EXD3: variants seen among roughly 807,000 people sequenced by gnomAD.
EXD3 encodes the protein exonuclease 3'-5' domain containing 3, also known as exonuclease mut-7 homolog.
Under a neutral mutation model 98.0 loss-of-function variants are expected in EXD3, and 92 were observed. That is an observed-to-expected ratio of 0.94 (90% CI 0.79 to 1.12). The LOEUF (loss-of-function observed/expected upper bound fraction) is 1.12, where lower values mean the gene tolerates loss of function less well. Among genes scored for constraint, EXD3 ranks in the 50% most tolerant of loss-of-function variants. The pLI is 0.00. For missense variants in EXD3, 1,222 were observed against 1,191.6 expected, an observed-to-expected ratio of 1.03 and a Z score of -0.38; for synonymous variants, 569 against 526.0, an observed-to-expected ratio of 1.08 and a Z score of -1.12.
intron 17 of EXD3, among the ~76,000 whole-genome samples, chr9:137,329,981 A>G (rs1319572767): frequency 9.9e-6 from 1 of 100,936 alleles, no homozygotes; most frequent in African/African-American, 4.6e-5. Context: ...GCTACACGGG[A>G]CTACACAGGA....
intron 5 of EXD3, among the ~76,000 whole-genome samples, chr9:137,370,245 T>C (rs538781394): frequency 1.8e-4 from 28 of 152,272 alleles, no homozygotes; most frequent in Admixed American, 1.8e-3. Context: ...AGAATCAGCG[T>C]CTGGTCATTT....
At chr9:137,370,701 G>A (rs1835545966) in intron 5 of EXD3, among the ~76,000 whole-genome samples, 1 of 151,716 alleles carries the variant, frequency 6.6e-6, no homozygotes, top group South Asian at 2.1e-4. Flanking sequence ...TAAGGGGCAG[G>A]AAGGCTGGGC....
intron 7 of EXD3, among the ~76,000 whole-genome samples, chr9:137,358,539 C>T (rs937604859): frequency 1.1e-4 from 17 of 152,174 alleles, no homozygotes; most frequent in Non-Finnish European, 1.5e-4. Flanking sequence ...CGAGGACAGT[C>T]GCTGCCTGGA....
intron 7 of EXD3, chr9:137,357,182 C>T (rs1195198946): frequency 6.6e-6 from 1 of 152,264 alleles, no homozygotes; most frequent in African/African-American, 2.4e-5. Context: ...TCCATTTTCA[C>T]TAGTGTTGAG....
rs148626365 is a variant in EXD3, at chr9:137,376,030, TCTTA to T, written c.121-2435_121-2432del. Among the ~76,000 whole-genome samples the T allele has an allele frequency of 7.4e-3, 1,128 of 152,218 alleles. 16 individuals carry two copies. Among genetic ancestry groups the T allele is most frequent in the African/African-American group, 0.024 (1,007 of 41,542 alleles). On this transcript the variant is annotated intron_variant, in intron 3 of 21. Transcript: ENST00000340951. The stretch of plus-strand genomic sequence containing the variant: ...TCTTCTCTTTCCTCCTTTCCCCACT[TCTTA>T]CTTATTTCTTTAGAAATGCAATGAT...
Position 137,365,875 on chromosome 9 carries a change from GCA to G in EXD3, c.656+616_656+617del, listed in dbSNP as rs767064933. The G allele has an allele frequency of 1.3e-3, 450 of 355,978 alleles. 2 individuals are homozygous for G. The highest frequency in any genetic ancestry group is 7.1e-3 in the African/African-American group (303 of 42,798). The allele number at this position is 355,978 out of a possible 1,614,324, so 22.1% of individuals were successfully genotyped here. ...ACACAATGCACACACAGATATACAT[GCA>G]CACACACACACCTGCAGGCACACAC... On this transcript the variant is annotated intron_variant, in intron 7 of 21. Transcript: ENST00000340951.
chr9:137,368,066 C>G, intron 5 of EXD3, 77 bp from the exon 6 acceptor site: 1 of 1,198,712 alleles, frequency 8.3e-7, no homozygotes, highest in Non-Finnish European at 1.2e-6. Context: ...GGGCTACCAC[C>G]CTTTTGCACC....
intron 16 of EXD3, 128 bp from the exon 17 acceptor site, chr9:137,348,366 G>A: frequency 1.8e-6 from 2 of 1,120,042 alleles, no homozygotes; most frequent in South Asian, 1.6e-5. Flanking sequence ...ATAAAACTGT[G>A]TGTGCTGTGC....
rs76810799 is a variant in EXD3 at position 137,371,692 on chromosome 9, C to G, written c.462+1213G>C. Among the ~76,000 whole-genome samples, 1 of 151,604 alleles carries G rather than the reference C, an allele frequency of 6.6e-6. No homozygotes were observed. The highest frequency in any genetic ancestry group is 6.6e-5 in the Admixed American group (1 of 15,208). On this transcript the variant is annotated intron_variant, in intron 5 of 21. Coordinates refer to ENST00000340951, the MANE Select transcript of EXD3 (RefSeq NM_017820.5). The surrounding 1 kb of genome is among the most constrained non-coding windows in gnomAD (Gnocchi z 8.0). Reference sequence around the variant, plus strand: ...TGAGCACCCCCAGGCCAGGCACCCCCGGGGCTGGGCACCCCCAGGCAGGAC... The same window carrying G: ...TGAGCACCCCCAGGCCAGGCACCCCGGGGGCTGGGCACCCCCAGGCAGGAC...
chr9:137,346,871 T>G (rs990159191), intron 17 of EXD3, among the ~76,000 whole-genome samples: 1 of 152,160 alleles, frequency 6.6e-6, no homozygotes, highest in African/African-American at 2.4e-5. Flanking sequence ...TGGAGTGCAG[T>G]GGTGCGATCT....
intron 2 of EXD3, among the ~76,000 whole-genome samples, chr9:137,389,433 C>T (rs1836777748): frequency 6.6e-6 from 1 of 152,234 alleles, no homozygotes; most frequent in Non-Finnish European, 1.5e-5. Flanking sequence ...TCACTTGCCT[C>T]ATCCATGAAG....
rs147603418 is a variant in EXD3, at chr9:137,385,537, T to G, written c.56-2160A>C. ...CAAAAGAGACTTTTATTTTGTTATT[T>G]AAGTTAATATTTTATTTAGAGACGG... On this transcript the variant is annotated intron_variant, in intron 2 of 21. Coordinates refer to ENST00000340951, the MANE Select transcript of EXD3 (RefSeq NM_017820.5). This position sits in a 1 kb window ranked among gnomAD's most constrained non-coding sequence, Gnocchi z 4.4. Among the ~76,000 whole-genome samples, 223 of 152,266 alleles carry G rather than the reference T, an allele frequency of 1.5e-3. No individual in the cohort carries two copies. Among genetic ancestry groups the G allele is most frequent in the African/African-American group, 4.5e-3 (189 of 41,568 alleles).
intron 2 of EXD3, among the ~76,000 whole-genome samples, chr9:137,386,322 C>T (rs1379628537): frequency 6.6e-6 from 1 of 151,970 alleles, no homozygotes; most frequent in Non-Finnish European, 1.5e-5. Flanking sequence ...AGCAGGGTGT[C>T]CTTATTATTC....
chr9:137,402,554 AC>A (rs1469918980), intron 1 of EXD3, among the ~76,000 whole-genome samples: 1 of 152,188 alleles, frequency 6.6e-6, no homozygotes, highest in African/African-American at 2.4e-5. Flanking sequence ...ATTGTTCATA[AC>A]ACTATCAGCA....
In EXD3 at chr9:137,413,183, C is replaced by T. The variant is rs530550424; in HGVS notation, c.-48+9931G>A. On this transcript the variant is annotated intron_variant, in intron 1 of 21. Transcript: ENST00000340951. The stretch of plus-strand genomic sequence containing the variant: ...TCAACATGTTCACATACATGAGTCA[C>T]CATCACCACTATCCAACTCCAGAAC... Among the ~76,000 whole-genome samples the T allele has an allele frequency of 3.9e-5, 6 of 152,202 alleles. No homozygotes were observed. In the South Asian group the frequency reaches 1.0e-3, roughly 26 times the overall value.
chr9:137,401,437 G>C lies in EXD3; in HGVS notation c.-47-6033C>G, dbSNP rs577219632. Among the ~76,000 whole-genome samples, 36 of 152,296 alleles carry C rather than the reference G, an allele frequency of 2.4e-4. No homozygotes were observed. In the South Asian group the frequency reaches 7.5e-3, roughly 32 times the overall value. On this transcript the variant is annotated intron_variant, in intron 1 of 21. Transcript: ENST00000340951. The stretch of plus-strand genomic sequence containing the variant: ...CCCAAAGTGCTGGGATTACAGGTGT[G>C]AGCCACCGTGCCCGGCCCCCACCCA...
chr9:137,312,674 G>A (rs1831428145), intron 19 of EXD3, among the ~76,000 whole-genome samples: 1 of 152,168 alleles, frequency 6.6e-6, no homozygotes, highest in African/African-American at 2.4e-5. Context: ...GGCGCACTCA[G>A]GACCAAGGCA....
chr9:137,355,604 A>AAGGAGGAAGGAGGAAGGAGG (rs1834677663), intron 8 of EXD3, among the ~76,000 whole-genome samples: 1 of 2,318 alleles, frequency 4.3e-4, no homozygotes, highest in African/African-American at 2.4e-3. Context: ...GCGGAAGGAG[A>AAGGAGGAAGGAGGAAGGAGG]AAGGAGGAAG....
rs183633786 is a variant in EXD3, at chr9:137,325,329, G to C, written c.1999-1186C>G. ...ACATCCAAGGACTCAGGAGCCAGCA[G>C]GGCTCCCACACCACAGGGGGGCAAC... On this transcript the variant is annotated intron_variant, in intron 17 of 21. Coordinates refer to ENST00000340951, the MANE Select transcript of EXD3 (RefSeq NM_017820.5). Among the ~76,000 whole-genome samples, 610 of 152,340 alleles carry C rather than the reference G, an allele frequency of 4.0e-3. 13 individuals are homozygous for C. The highest frequency in any genetic ancestry group is 0.033 in the Admixed American group (499 of 15,302).
Sources: allele counts gnomAD v4.1 joint callset (sites outside exome capture counted in the v4.1 genomes callset), GRCh38; gene constraint gnomAD v4.1.1; non-coding constraint Gnocchi (gnomAD v3.1); transcripts MANE v1.5; gene names NCBI Gene and HGNC (gene_info 2026-07-23, HGNC 2026-07-21).